The following KDM5A variants were observed in gnomAD, a reference collection of about 807,000 sequenced individuals.
KDM5A encodes lysine-specific demethylase 5A.
Under a neutral mutation model 193.5 loss-of-function variants are expected in KDM5A, and 42 were observed. That is an observed-to-expected ratio of 0.22 (90% CI 0.17 to 0.28). KDM5A has a LOEUF of 0.28. Among genes scored for constraint, KDM5A ranks in the 10% least tolerant of loss-of-function variants. The pLI is 1.00. For missense variants in KDM5A, 1,692 were observed against 2,055.1 expected, an observed-to-expected ratio of 0.82 and a Z score of 3.42; for synonymous variants, 796 against 718.1, an observed-to-expected ratio of 1.11 and a Z score of -1.73.
intron 5 of KDM5A, among the ~76,000 whole-genome samples, chr12:359,500 G>A (rs547692267): frequency 5.9e-5 from 9 of 151,828 alleles, no homozygotes; most frequent in South Asian, 2.1e-4. Flanking sequence ...GCCTGTAATC[G>A]CAGCACTTTG....
intron 10 of KDM5A, among the ~76,000 whole-genome samples, chr12:343,564 A>T (rs1944033906): frequency 6.6e-6 from 1 of 152,210 alleles, no homozygotes; most frequent in Non-Finnish European, 1.5e-5. Flanking sequence ...TTCCACAGGA[A>T]GCATCAAGCA....
intron 3 of KDM5A, among the ~76,000 whole-genome samples, chr12:383,215 TTC>T (rs1049232440): frequency 5.8e-5 from 4 of 69,418 alleles, no homozygotes; most frequent in African/African-American, 1.2e-4. Context: ...ATGCCAAATT[TTC>T]TCTTTTTTTT....
intron 24 of KDM5A, 141 bp downstream of exon 24, chr12:306,805 C>T (rs139499293): frequency 7.9e-5 from 70 of 883,960 alleles, no homozygotes; most frequent in South Asian, 6.7e-4. Context: ...AAAAATGCTA[C>T]GACTAAAAAC....
chr12:310,932 T>C lies in KDM5A; in HGVS notation c.3169A>G (p.Thr1057Ala), dbSNP rs1943577042. The C allele has an allele frequency of 6.2e-7, 1 of 1,614,244 alleles. No homozygotes were observed. Among genetic ancestry groups the C allele is most frequent in the Non-Finnish European group, 8.5e-7 (1 of 1,180,032 alleles). The change falls in exon 21 of 28, where the codon ACT (threonine) becomes GCT (alanine). Residue 1057 changes from threonine (T) to alanine (A), a missense_variant. This residue lies in a region of KDM5A where 965 missense variants were observed against 1,061.0 expected (regional missense o/e 0.91). Transcript: ENST00000399788. ...TTCTTCTTAAGAAACGTCCGCCCAG[T>C]CCGTTCTCTCCATGCCCGTGCTGCT... ...VAAARAWRER[T>A]GRTFLKKNSS...
intron 12 of KDM5A, among the ~76,000 whole-genome samples, chr12:332,344 A>T (rs1325887565): frequency 2.0e-5 from 3 of 152,216 alleles, no homozygotes; most frequent in Admixed American, 6.5e-5. Flanking sequence ...ATGGCATATG[A>T]GACATCCCCA....
At chr12:371,674 C>T (rs542637796) in intron 3 of KDM5A, among the ~76,000 whole-genome samples, 1 of 152,260 alleles carries the variant, frequency 6.6e-6, no homozygotes, top group South Asian at 2.1e-4. Flanking sequence ...ACATGAAGTC[C>T]TTGCCCATGC....
rs140123132 is a variant in KDM5A, at chr12:288,351, T to G, written c.4867-2689A>C. ...GTATTTAGTGAATCACAAAAATAAT[T>G]ACTAAACTTCACAGCTATGAACTGT... On this transcript the variant is annotated intron_variant, in intron 27 of 27. Transcript: ENST00000399788. Among the ~76,000 whole-genome samples, 254 of 152,308 alleles carry G rather than the reference T, an allele frequency of 1.7e-3. 2 individuals are homozygous for G. Among genetic ancestry groups the G allele is most frequent in the African/African-American group, 5.9e-3 (245 of 41,560 alleles).
chr12:300,890 T>G (rs1052879825), intron 24 of KDM5A, among the ~76,000 whole-genome samples: 11 of 152,044 alleles, frequency 7.2e-5, no homozygotes, highest in African/African-American at 2.4e-4. Flanking sequence ...CAGCAGACAA[T>G]ACTATAAACA....
At chr12:368,781 T>C (rs1377689394) in intron 3 of KDM5A, among the ~76,000 whole-genome samples, 1 of 152,146 alleles carries the variant, frequency 6.6e-6, no homozygotes, top group Non-Finnish European at 1.5e-5. Flanking sequence ...CAAAGTTACA[T>C]ACCTTGCAAT....
intron 21 of KDM5A, 87 bp from the exon 22 acceptor site, chr12:310,051 T>TCA: frequency 7.2e-7 from 1 of 1,392,376 alleles, no homozygotes; most frequent in Non-Finnish European, 1.0e-6. Flanking sequence ...TGTTGACTGT[T>TCA]CAACCATGTC....
Position 281,495 on chromosome 12 carries a change from C to T in KDM5A, c.*3961G>A. The T allele has an allele frequency of 4.3e-6, 1 of 233,022 alleles. No individual in the cohort carries two copies. Among genetic ancestry groups the T allele is most frequent in the Non-Finnish European group, 8.5e-6 (1 of 117,992 alleles). The allele number at this position is 233,022 out of a possible 1,614,324, so 14.4% of individuals were successfully genotyped here. ...CTTCCTCATACTACAGTAGGAGATACCACTTGGGACATTCATATCCAAAGA... is the reference window on the plus strand; with the variant it reads ...CTTCCTCATACTACAGTAGGAGATATCACTTGGGACATTCATATCCAAAGA... On this transcript the variant is annotated 3_prime_UTR_variant, in exon 28 of 28. Transcript: ENST00000399788.
Position 341,853 on chromosome 12 carries a change from T to C in KDM5A, c.1309-7431A>G, listed in dbSNP as rs577674337. 2.0e-5 allele frequency among the ~76,000 whole-genome samples: 3 copies of C among 147,664 alleles called. No individual in the cohort carries two copies. In the East Asian group the frequency reaches 5.9e-4, roughly 29 times the overall value. On this transcript the variant is annotated intron_variant, in intron 10 of 27. Transcript: ENST00000399788. The stretch of plus-strand genomic sequence containing the variant: ...AGGTGGAGGCTGCAGTGAACCAAGA[T>C]GGTGCCACTGTACTCCAGCCGGGCA...
Position 323,210 on chromosome 12 carries a change from C to CAAAAAATAAA in KDM5A, c.2151-5_2151-4insTTTATTTTTT. ...GTCTTCTAATGGGTAGCGATATCTA[C>CAAAAAATAAA]AAAAAAAAAAAAAAAAAAAAAAAAA... is the stretch of plus-strand genomic sequence containing the variant. On this transcript the variant is annotated splice_polypyrimidine_tract_variant and splice_region_variant and intron_variant, in intron 15 of 27. Coordinates refer to ENST00000399788, the MANE Select transcript of KDM5A (RefSeq NM_001042603.3). 1 of 294,574 alleles carries CAAAAAATAAA rather than the reference C, an allele frequency of 3.4e-6. No homozygotes were observed. Among genetic ancestry groups the CAAAAAATAAA allele is most frequent in the Non-Finnish European group, 4.8e-6 (1 of 209,434 alleles). The allele number at this position is 294,574 out of a possible 1,614,324, so 18.2% of individuals were successfully genotyped here. A position where few individuals can be genotyped will look rare whatever the true frequency, so the allele number is the denominator to read the frequency against.
intron 2 of KDM5A, among the ~76,000 whole-genome samples, chr12:384,634 T>C (rs868421590): frequency 1.3e-5 from 2 of 152,232 alleles, no homozygotes. Flanking sequence ...GGCAAAAGAC[T>C]TCTAATAAAC....
chr12:382,524 T>A (rs1048834176), intron 3 of KDM5A, among the ~76,000 whole-genome samples: 1 of 152,154 alleles, frequency 6.6e-6, no homozygotes, highest in Non-Finnish European at 1.5e-5. Flanking sequence ...AATAAATTTT[T>A]ATTTCAAAAT....
chr12:384,257 G>C, intron 2 of KDM5A, 104 bp from the exon 3 acceptor site: 1 of 853,402 alleles, frequency 1.2e-6, no homozygotes, highest in Non-Finnish European at 2.0e-6. Flanking sequence ...ACCCATCAGC[G>C]GCCTGTTAGG....
chr12:349,413 C>T (rs368737008), intron 10 of KDM5A, among the ~76,000 whole-genome samples: 3 of 151,474 alleles, frequency 2.0e-5, no homozygotes, highest in African/African-American at 7.3e-5. Context: ...TCACTGCAAC[C>T]TCCGCTTCCC....
intron 24 of KDM5A, among the ~76,000 whole-genome samples, chr12:301,629 T>C (rs1391924371): frequency 1.3e-5 from 2 of 152,168 alleles, no homozygotes; most frequent in East Asian, 3.8e-4. Context: ...AAGACAAGGA[T>C]GCCCTCTCTC....
Position 365,149 on chromosome 12 carries a change from C to T in KDM5A, c.537+785G>A, listed in dbSNP as rs550064493. Among the ~76,000 whole-genome samples the T allele has an allele frequency of 3.3e-5, 5 of 152,198 alleles. No homozygotes were observed. In the South Asian group the frequency reaches 1.0e-3, roughly 32 times the overall value. On this transcript the variant is annotated intron_variant, in intron 4 of 27. Coordinates refer to ENST00000399788, the MANE Select transcript of KDM5A (RefSeq NM_001042603.3). ...CTTACTGCAACCTCCATCTCCCAGG[C>T]TGAAGCAATCATCCTACCACAGTCT...
Sources: allele counts gnomAD v4.1 joint callset (sites outside exome capture counted in the v4.1 genomes callset), GRCh38; gene constraint gnomAD v4.1.1; regional missense constraint gnomAD v4.1.1; transcripts MANE v1.5; gene names NCBI Gene and HGNC (gene_info 2026-07-23, HGNC 2026-07-21).